Variants in PTCHD4 observed in about 807,000 individuals in gnomAD.
PTCHD4 encodes the protein patched domain containing 4.
PTCHD4 carries 33 observed loss-of-function variants against 58.1 expected under a neutral mutation model. The observed-to-expected ratio is 0.57, with a 90% confidence interval of 0.43 to 0.76. PTCHD4 has a LOEUF of 0.76. Among genes scored for constraint, PTCHD4 ranks in the 30% least tolerant of loss-of-function variants. PTCHD4 has a pLI of 0.00. For missense variants in PTCHD4, 1,058 were observed against 1,027.1 expected, an observed-to-expected ratio of 1.03 and a Z score of -0.41; for synonymous variants, 478 against 409.6, an observed-to-expected ratio of 1.17 and a Z score of -2.02.
Position 47,988,811 on chromosome 6 carries a change from T to C in PTCHD4, c.898+19823A>G, listed in dbSNP as rs9381632. Among the ~76,000 whole-genome samples, 189 of 152,322 alleles carry C rather than the reference T, an allele frequency of 1.2e-3. 5 individuals are homozygous for C. In the East Asian group the frequency reaches 0.034, roughly 28 times the overall value. ...TTTTTTTCCCAGTCTCAGTTATGTC[T>C]TTATCAGCAGTGTGAAAATGGACTA... On this transcript the variant is annotated intron_variant, in intron 4 of 4. Coordinates refer to ENST00000339488, the MANE Select transcript of PTCHD4 (RefSeq NM_001384253.1).
chr6:48,026,609 C>T (rs1244117329), intron 3 of PTCHD4, among the ~76,000 whole-genome samples: 1 of 152,054 alleles, frequency 6.6e-6, no homozygotes, highest in Admixed American at 6.6e-5. Flanking sequence ...CCTTAGCTCC[C>T]TACATTCACT....
chr6:47,900,752 C>T (rs1764669579), intron 4 of PTCHD4: 1 of 152,160 alleles, frequency 6.6e-6, no homozygotes, highest in African/African-American at 2.4e-5. Flanking sequence ...TTGTCAAATG[C>T]CCTTTCTTTG....
chr6:48,096,648 C>T (rs918167955), intron 1 of PTCHD4, among the ~76,000 whole-genome samples: 4 of 150,986 alleles, frequency 2.6e-5, no homozygotes, highest in African/African-American at 9.7e-5. Context: ...ATTCATTGTG[C>T]CATTGTGCTT....
chr6:47,940,627 T>G (rs187277116), intron 4 of PTCHD4, among the ~76,000 whole-genome samples: 1 of 152,216 alleles, frequency 6.6e-6, no homozygotes, highest in East Asian at 1.9e-4. Context: ...TGTAAAAGCT[T>G]GTGAAAATAG....
At chr6:48,105,604 C>T (rs957822768) in intron 1 of PTCHD4, among the ~76,000 whole-genome samples, 1 of 151,946 alleles carries the variant, frequency 6.6e-6, no homozygotes, top group African/African-American at 2.4e-5. Context: ...AAGATCAGAG[C>T]AGAACTGAAG....
chr6:47,976,462 G>A (rs1767692868), intron 4 of PTCHD4, among the ~76,000 whole-genome samples: 3 of 151,992 alleles, frequency 2.0e-5, no homozygotes, highest in Admixed American at 2.0e-4. Context: ...AGACCAGCCT[G>A]GTCAACACGG....
At chr6:47,910,103 G>A (rs1388326607) in intron 4 of PTCHD4, among the ~76,000 whole-genome samples, 1 of 152,142 alleles carries the variant, frequency 6.6e-6, no homozygotes, top group African/African-American at 2.4e-5. Context: ...GCTCTTCACT[G>A]GATGTGTAAA....
chr6:48,102,918 C>A (rs148457762), intron 1 of PTCHD4, among the ~76,000 whole-genome samples: 1 of 152,192 alleles, frequency 6.6e-6, no homozygotes, highest in Non-Finnish European at 1.5e-5. Flanking sequence ...GGGTGCCCAC[C>A]ATTGCTCAGG....
intron 4 of PTCHD4, among the ~76,000 whole-genome samples, chr6:47,979,845 C>A (rs1767816079): frequency 6.6e-6 from 1 of 151,990 alleles, no homozygotes; most frequent in Non-Finnish European, 1.5e-5. Context: ...CCTGCAAGTT[C>A]ATAAAATTGA....
chr6:48,095,458 C>T (rs1582133800), intron 1 of PTCHD4, among the ~76,000 whole-genome samples: 1 of 152,008 alleles, frequency 6.6e-6, no homozygotes, highest in South Asian at 2.1e-4. Flanking sequence ...CCAAGGCGGG[C>T]GGATCTTGAG....
intron 4 of PTCHD4, among the ~76,000 whole-genome samples, chr6:47,979,085 C>T (rs1426602230): frequency 6.6e-6 from 1 of 152,028 alleles, no homozygotes; most frequent in East Asian, 1.9e-4. Context: ...AAGCTTACCA[C>T]GTGAGTCTAT....
Position 48,096,011 on chromosome 6 carries a change from C to A in PTCHD4, c.-970+15038G>T, listed in dbSNP as rs149311144. 5.7e-3 allele frequency among the ~76,000 whole-genome samples: 869 copies of A among 152,200 alleles called. 3 individuals carry two copies. Among genetic ancestry groups the A allele is most frequent in the Non-Finnish European group, 9.0e-3 (609 of 67,996 alleles). On this transcript the variant is annotated intron_variant, in intron 1 of 4. Coordinates refer to ENST00000339488, the MANE Select transcript of PTCHD4 (RefSeq NM_001384253.1). ...ATATTTTTGTTGGTACTGTGCCAGG[C>A]TATGGGGAAGCAATGATGAATAGGA...
intron 4 of PTCHD4, among the ~76,000 whole-genome samples, chr6:47,975,748 T>A (rs576219184): frequency 2.0e-5 from 3 of 152,318 alleles, no homozygotes; most frequent in African/African-American, 7.2e-5. Context: ...GGCATTGTAG[T>A]TAGCACTCTG....
At chr6:48,088,467 A>G (rs1453826548) in intron 1 of PTCHD4, among the ~76,000 whole-genome samples, 2 of 152,204 alleles carry the variant, frequency 1.3e-5, no homozygotes, top group Admixed American at 1.3e-4. Flanking sequence ...AAAGACGACT[A>G]TGGAATAGAG....
At chr6:47,882,693 C>G (rs903104375) in intron 4 of PTCHD4, among the ~76,000 whole-genome samples, 3 of 135,494 alleles carry the variant, frequency 2.2e-5, no homozygotes, top group Non-Finnish European at 4.8e-5. Context: ...TGTTAAGGGT[C>G]AGTTAAAGTC....
chr6:47,959,798 C>T (rs1159580342), intron 4 of PTCHD4, among the ~76,000 whole-genome samples: 1 of 150,796 alleles, frequency 6.6e-6, no homozygotes, highest in Non-Finnish European at 1.5e-5. Context: ...ATCTAGAATT[C>T]TACATCTACA....
chr6:47,952,866 C>T (rs1175849162), intron 4 of PTCHD4, among the ~76,000 whole-genome samples: 1 of 151,978 alleles, frequency 6.6e-6, no homozygotes, highest in East Asian at 1.9e-4. Flanking sequence ...TTAGATGACT[C>T]ATGACTACAT....
chr6:48,091,631 CCCTT>C (rs1360888718), intron 1 of PTCHD4, among the ~76,000 whole-genome samples: 2 of 141,964 alleles, frequency 1.4e-5, no homozygotes, highest in African/African-American at 2.6e-5. Context: ...CTCCCTCCCT[CCCTT>C]CCTCTTTCTT....
chr6:48,090,055 C>T (rs992655996), intron 1 of PTCHD4, among the ~76,000 whole-genome samples: 14 of 152,092 alleles, frequency 9.2e-5, no homozygotes, highest in Non-Finnish European at 1.5e-4. Flanking sequence ...TAGATGTAGA[C>T]TATGCAATAT....
Sources: allele counts gnomAD v4.1 joint callset (sites outside exome capture counted in the v4.1 genomes callset), GRCh38; gene constraint gnomAD v4.1.1; transcripts MANE v1.5; gene names NCBI Gene and HGNC (gene_info 2026-07-23, HGNC 2026-07-21).